ANO4: variants seen among roughly 807,000 people sequenced by gnomAD.
ANO4 encodes the protein anoctamin 4, also known as anoctamin-4.
In ANO4, 69 loss-of-function variants were observed where a neutral mutation model predicts 141.9. That is an observed-to-expected ratio of 0.49 (90% CI 0.40 to 0.59). ANO4 has a LOEUF of 0.59. ANO4 is among the 20% of genes least tolerant of loss of function. The pLI is 0.00. For missense variants in ANO4, 894 were observed against 1,162.2 expected, an observed-to-expected ratio of 0.77 and a Z score of 3.36; for synonymous variants, 350 against 394.3, an observed-to-expected ratio of 0.89 and a Z score of 1.33.
At chr12:100,843,092 C>T (rs1487690781) in intron 1 of ANO4, among the ~76,000 whole-genome samples, 1 of 152,070 alleles carries the variant, frequency 6.6e-6, no homozygotes, top group African/African-American at 2.4e-5. Flanking sequence ...TATAGCATAG[C>T]AATTGAGACC....
At chr12:100,959,124 A>C (rs1566058115) in intron 5 of ANO4, among the ~76,000 whole-genome samples, 1 of 151,884 alleles carries the variant, frequency 6.6e-6, no homozygotes, top group Non-Finnish European at 1.5e-5. Context: ...ACAGACACAC[A>C]CACACAGTTC....
chr12:101,074,312 T>C (rs912236290), intron 14 of ANO4, among the ~76,000 whole-genome samples: 3 of 152,182 alleles, frequency 2.0e-5, no homozygotes, highest in Non-Finnish European at 4.4e-5. Flanking sequence ...CTGTTTCCCA[T>C]AACCCCAGAG....
chr12:100,776,336 C>G (rs1021457322), intron 3 of ANO4, among the ~76,000 whole-genome samples: 1 of 152,108 alleles, frequency 6.6e-6, no homozygotes, highest in Non-Finnish European at 1.5e-5. Context: ...AACCACCTCG[C>G]GAGGGCTCTT....
intron 1 of ANO4, among the ~76,000 whole-genome samples, chr12:100,857,067 G>T (rs2038210729): frequency 6.6e-6 from 1 of 152,084 alleles, no homozygotes; most frequent in Non-Finnish European, 1.5e-5. Flanking sequence ...ATGCAGTGTG[G>T]TGTCATGTGG....
intron 3 of ANO4, among the ~76,000 whole-genome samples, chr12:100,757,202 C>A (rs926623792): frequency 3.3e-5 from 5 of 152,170 alleles, no homozygotes; most frequent in African/African-American, 1.2e-4. Context: ...GGTGGTAAGC[C>A]TGTTGAGTCT....
chr12:101,066,997 CAAAAAAAAAA>C (rs34416390), intron 14 of ANO4: 6 of 174,808 alleles, frequency 3.4e-5, no homozygotes, highest in East Asian at 2.4e-4. Context: ...TAAAGTATAA[CAAAAAAAAAA>C]AAAAAAAAAA....
chr12:101,029,297 C>A (rs945947836), intron 9 of ANO4, among the ~76,000 whole-genome samples: 2 of 152,158 alleles, frequency 1.3e-5, no homozygotes, highest in African/African-American at 4.8e-5. Flanking sequence ...AACCAGATAG[C>A]ATCATGATGA....
intron 14 of ANO4, among the ~76,000 whole-genome samples, chr12:101,051,589 A>G (rs1369040236): frequency 6.6e-6 from 1 of 152,236 alleles, no homozygotes; most frequent in Non-Finnish European, 1.5e-5. Flanking sequence ...TATTAATAGC[A>G]TTCATTTCCG....
chr12:100,884,726 G>T lies in ANO4; in HGVS notation c.-140-16920G>T, dbSNP rs188210363. Among the ~76,000 whole-genome samples, 126 of 152,156 alleles carry T rather than the reference G, an allele frequency of 8.3e-4. 2 individuals are homozygous for T. In the East Asian group the frequency reaches 0.015, roughly 18 times the overall value. The stretch of plus-strand genomic sequence containing the variant: ...CCTTTGTTTTTTGGGATGGAATCTC[G>T]CTCTATCACCCAGGCTGGAGTGCAG... On this transcript the variant is annotated intron_variant, in intron 1 of 27. Transcript: ENST00000392977.
At chr12:100,871,494 T>C (rs983814490) in intron 1 of ANO4, among the ~76,000 whole-genome samples, 1 of 152,254 alleles carries the variant, frequency 6.6e-6, no homozygotes, top group Non-Finnish European at 1.5e-5. Context: ...CCTTCTGTTA[T>C]AGCACTGAGC....
At chr12:100,817,706 C>A (rs998628194) in intron 1 of ANO4, among the ~76,000 whole-genome samples, 3 of 151,812 alleles carry the variant, frequency 2.0e-5, no homozygotes, top group Admixed American at 2.0e-4. Flanking sequence ...GTTAGAAGAC[C>A]TCTTATCCTA....
intron 3 of ANO4, among the ~76,000 whole-genome samples, chr12:100,938,905 A>G (rs749747208): frequency 1.3e-5 from 2 of 152,206 alleles, no homozygotes; most frequent in Non-Finnish European, 2.9e-5. Flanking sequence ...TCACTTGGCA[A>G]GCTATACGAC....
intron 3 of ANO4, among the ~76,000 whole-genome samples, chr12:100,769,333 G>A (rs1411543432): frequency 6.6e-6 from 1 of 152,152 alleles, no homozygotes; most frequent in African/African-American, 2.4e-5. Context: ...AATGCAGAAA[G>A]GTAAATAGGA....
intron 24 of ANO4, among the ~76,000 whole-genome samples, chr12:101,112,484 C>T (rs2050698425): frequency 6.6e-6 from 1 of 152,196 alleles, no homozygotes; most frequent in Non-Finnish European, 1.5e-5. Context: ...AATAGTTAAA[C>T]TCTTATTATG....
chr12:101,095,697 A>C (rs1029496165), intron 18 of ANO4, among the ~76,000 whole-genome samples: 5 of 152,224 alleles, frequency 3.3e-5, no homozygotes, highest in Non-Finnish European at 5.9e-5. Context: ...TCAGACACTC[A>C]GGGAATGTGG....
In ANO4 at chr12:101,023,956, G is replaced by A. The variant is rs1237317334; in HGVS notation, c.841+3816G>A. ...TCTTTCTGAAAGTGGCATCTTGCAT[G>A]AGCCAACATCGATTAGAAATAACAT... On this transcript the variant is annotated intron_variant, in intron 9 of 27. Coordinates refer to ENST00000392977, the MANE Select transcript of ANO4 (RefSeq NM_001286615.2). Among the ~76,000 whole-genome samples, 6 of 152,158 alleles carry A rather than the reference G, an allele frequency of 3.9e-5. No individual in the cohort carries two copies. The South Asian group carries it at 1.0e-3, about 26-fold the overall frequency.
At chr12:100,892,929 A>T (rs763875718) in intron 1 of ANO4, among the ~76,000 whole-genome samples, 5 of 152,104 alleles carry the variant, frequency 3.3e-5, no homozygotes, top group Non-Finnish European at 7.3e-5. Context: ...TCTTTCTAGA[A>T]CTATTTACAT....
At chr12:101,007,121 G>A (rs2045904113) in intron 8 of ANO4, among the ~76,000 whole-genome samples, 1 of 152,192 alleles carries the variant, frequency 6.6e-6, no homozygotes, top group Non-Finnish European at 1.5e-5. Flanking sequence ...AGGAGGCCGA[G>A]GTGGGTGTAT....
Position 100,918,310 on chromosome 12 carries a change from A to G in ANO4, c.56-3916A>G, listed in dbSNP as rs2041446385. ...CCACTGCACTCCAGCCTAGGTGGCAAAGTGAGACTTTCTCTCAAAAAAATA... is the reference window on the plus strand; with the variant it reads ...CCACTGCACTCCAGCCTAGGTGGCAGAGTGAGACTTTCTCTCAAAAAAATA... On this transcript the variant is annotated intron_variant, in intron 2 of 27. Transcript: ENST00000392977. Among the ~76,000 whole-genome samples, 4 of 152,298 alleles carry G rather than the reference A, an allele frequency of 2.6e-5. No homozygotes were observed. The South Asian group carries it at 8.3e-4, about 32-fold the overall frequency.
Sources: gnomAD v4.1 joint callset for allele counts (sites outside exome capture counted in the v4.1 genomes callset) on GRCh38, gnomAD v4.1.1 for gene constraint, MANE v1.5 for transcripts, NCBI Gene and HGNC (gene_info 2026-07-23, HGNC 2026-07-21) for gene names.